Variants in KCNH1 observed in about 807,000 individuals in gnomAD.
KCNH1 encodes voltage-gated delayed rectifier potassium channel KCNH1.
Under a neutral mutation model 69.2 loss-of-function variants are expected in KCNH1, and 27 were observed. The ratio of observed to expected loss-of-function variants is 0.39; its 90% CI spans 0.29 to 0.54. The LOEUF (loss-of-function observed/expected upper bound fraction) is 0.54. Ranked by LOEUF, KCNH1 falls within the 20% of genes least tolerant of loss-of-function variation. The pLI is 0.68. For missense variants in KCNH1, 798 were observed against 1,261.6 expected (o/e 0.63, Z 5.57); for synonymous variants, 456 against 487.7 (o/e 0.93, Z 0.86).
At chr1:210,822,649 C>T (rs553915742) in intron 7 of KCNH1, among the ~76,000 whole-genome samples, 1 of 152,232 alleles carries the variant, frequency 6.6e-6, no homozygotes, top group South Asian at 2.1e-4. Context: ...CAAAATTATG[C>T]TGCTGATTCT....
chr1:210,839,329 T>C (rs1685356648), intron 7 of KCNH1, among the ~76,000 whole-genome samples: 1 of 152,124 alleles, frequency 6.6e-6, no homozygotes, highest in Non-Finnish European at 1.5e-5. Context: ...AAATACTACA[T>C]GTTCTCACTT....
chr1:210,700,716 A>G (rs988943392), intron 10 of KCNH1, among the ~76,000 whole-genome samples: 1 of 152,204 alleles, frequency 6.6e-6, no homozygotes, highest in Non-Finnish European at 1.5e-5. Flanking sequence ...ACAAAAACAG[A>G]CAAAATGTAA....
chr1:210,837,047 C>A (rs547414068), intron 7 of KCNH1, among the ~76,000 whole-genome samples: 1 of 152,324 alleles, frequency 6.6e-6, no homozygotes, highest in African/African-American at 2.4e-5. Flanking sequence ...CGATGTTCTT[C>A]ATGATCTGAA....
At chr1:210,813,744 G>T (rs1347225697) in intron 7 of KCNH1, among the ~76,000 whole-genome samples, 1 of 152,212 alleles carries the variant, frequency 6.6e-6, no homozygotes, top group African/African-American at 2.4e-5. Flanking sequence ...TAGTGATATG[G>T]TTTGGCTGTG....
intron 3 of KCNH1, among the ~76,000 whole-genome samples, chr1:211,097,564 GAT>G (rs1691180132): frequency 6.6e-6 from 1 of 152,172 alleles, no homozygotes; most frequent in South Asian, 2.1e-4. Flanking sequence ...ATAAATAAAA[GAT>G]AACCCATTCA....
chr1:211,103,680 T>C (rs1397424461), intron 2 of KCNH1, 78 bp from the exon 3 acceptor site: 1 of 924,604 alleles, frequency 1.1e-6, no homozygotes, highest in African/African-American at 1.6e-5. Flanking sequence ...ATCTGTTCTA[T>C]ATTCAGCACT....
intron 6 of KCNH1, among the ~76,000 whole-genome samples, chr1:210,975,204 T>C (rs1421332083): frequency 6.6e-6 from 1 of 152,214 alleles, no homozygotes; most frequent in Non-Finnish European, 1.5e-5. Context: ...TGCTGTCATT[T>C]ATGAAGAATA....
At position 210,736,550 on chromosome 1, in the gene KCNH1, A is replaced by AC. The variant is rs1558447369; in HGVS notation, c.2112+38797_2112+38798insG. On this transcript the variant is annotated intron_variant, in intron 10 of 10. Coordinates refer to ENST00000271751, the MANE Select transcript of KCNH1 (RefSeq NM_172362.3). ...AAGAGTGAAACTCCATCCCCCCTCCAAAAAAAAATTACCCATGACTAGAAT... is the reference window on the plus strand; with the variant it reads ...AAGAGTGAAACTCCATCCCCCCTCCACAAAAAAAATTACCCATGACTAGAAT... Among the ~76,000 whole-genome samples, 7 of 150,750 alleles carry AC rather than the reference A, an allele frequency of 4.6e-5. No homozygotes were observed. In the South Asian group the frequency reaches 1.1e-3, roughly 23 times the overall value.
chr1:210,859,764 G>C (rs1212233535), intron 7 of KCNH1: 2 of 1,036,364 alleles, frequency 1.9e-6, no homozygotes, highest in Non-Finnish European at 3.1e-6. Flanking sequence ...TAAGAGCACA[G>C]AGACTGAGAA....
chr1:211,125,910 C>G lies in KCNH1; in HGVS notation c.79+7957G>C, dbSNP rs114781363. Among the ~76,000 whole-genome samples the G allele has an allele frequency of 8.1e-3, 1,241 of 152,272 alleles. 15 individuals carry two copies. Among genetic ancestry groups the G allele is most frequent in the African/African-American group, 0.028 (1,161 of 41,556 alleles). ...CATTTTACTTTACATAATGAACAAT[C>G]AGTATGAGTAAGCAAATTGACTATT... On this transcript the variant is annotated intron_variant, in intron 1 of 10. Transcript: ENST00000271751.
intron 6 of KCNH1, among the ~76,000 whole-genome samples, chr1:210,951,168 G>A (rs970118555): frequency 2.6e-5 from 4 of 152,166 alleles, no homozygotes; most frequent in African/African-American, 9.7e-5. Context: ...GAACCAGGGT[G>A]GACATGCTCT....
intron 7 of KCNH1, chr1:210,859,038 T>G: frequency 2.7e-5 from 13 of 483,590 alleles, no homozygotes; most frequent in East Asian, 3.9e-5. Flanking sequence ...CCTGGGGTTG[T>G]TGTTGTTGTG....
At chr1:210,837,330 T>C (rs750154303) in intron 7 of KCNH1, among the ~76,000 whole-genome samples, 10 of 152,152 alleles carry the variant, frequency 6.6e-5, no homozygotes, top group Non-Finnish European at 1.2e-4. Flanking sequence ...TTTGGCACTT[T>C]GCTTGCATCT....
intron 5 of KCNH1, among the ~76,000 whole-genome samples, chr1:211,035,692 T>C (rs1689884519): frequency 6.6e-6 from 1 of 152,184 alleles, no homozygotes; most frequent in African/African-American, 2.4e-5. Context: ...ATAAACTCTT[T>C]AGCAATTATC....
At position 210,698,244 on chromosome 1, in the gene KCNH1, G is replaced by C. The variant is rs557466697; in HGVS notation, c.2113-14106C>G. ...GCCCAATCTTGGCTTTCTTGGTTGG[G>C]GAGGAGGCAGAAGGAGCATAAACAC... On this transcript the variant is annotated intron_variant, in intron 10 of 10. Coordinates refer to ENST00000271751, the MANE Select transcript of KCNH1 (RefSeq NM_172362.3). Among the ~76,000 whole-genome samples the C allele has an allele frequency of 2.0e-5, 3 of 152,272 alleles. No homozygotes were observed. The South Asian group carries it at 6.2e-4, about 32-fold the overall frequency.
At chr1:210,904,589 T>G (rs1323657514) in intron 7 of KCNH1, among the ~76,000 whole-genome samples, 2 of 152,190 alleles carry the variant, frequency 1.3e-5, no homozygotes, top group Non-Finnish European at 2.9e-5. Context: ...TTCTTGCACT[T>G]CATGGCTCTC....
chr1:211,113,841 C>A (rs1691515097), intron 1 of KCNH1, among the ~76,000 whole-genome samples: 1 of 150,432 alleles, frequency 6.6e-6, no homozygotes, highest in South Asian at 2.1e-4. Flanking sequence ...ATCCTAGGAT[C>A]AACTGGGGTG....
chr1:210,897,971 T>C (rs1487648656), intron 7 of KCNH1, among the ~76,000 whole-genome samples: 3 of 152,154 alleles, frequency 2.0e-5, no homozygotes, highest in African/African-American at 7.2e-5. Flanking sequence ...AGTGGTTGTG[T>C]AGTGGCTGGC....
At position 210,682,816 on chromosome 1, in the gene KCNH1, C is replaced by T. The variant is rs187096734; in HGVS notation, c.*465G>A. 226 of 161,100 alleles carry T rather than the reference C, an allele frequency of 1.4e-3. No individual in the cohort carries two copies. The highest frequency in any genetic ancestry group is 5.0e-3 in the African/African-American group (209 of 41,600). The allele number at this position is 161,100 out of a possible 1,614,324, so 10.0% of individuals were successfully genotyped here. A position where few individuals can be genotyped will look rare whatever the true frequency, so the allele number is the denominator to read the frequency against. On this transcript the variant is annotated 3_prime_UTR_variant, in exon 11 of 11. Transcript: ENST00000271751. The stretch of plus-strand genomic sequence containing the variant: ...CAGGAAAACATGGTGACGTCAGACA[C>T]GGGCTGTACAAGGACGGGGATGCCG...
Sources: gnomAD v4.1 joint callset for allele counts (sites outside exome capture counted in the v4.1 genomes callset) on GRCh38, gnomAD v4.1.1 for gene constraint, MANE v1.5 for transcripts, NCBI Gene and HGNC (gene_info 2026-07-23, HGNC 2026-07-21) for gene names.